ADGRG2: variants seen among roughly 807,000 people sequenced by gnomAD.
The protein encoded by ADGRG2 is adhesion G protein-coupled receptor G2.
Under a neutral mutation model 74.1 loss-of-function variants are expected in ADGRG2, and 26 were observed. That is an observed-to-expected ratio of 0.35 (90% CI 0.26 to 0.49). ADGRG2 has a LOEUF of 0.49. ADGRG2 is among the 20% of genes least tolerant of loss of function. The pLI is 0.99. For missense variants in ADGRG2, 619 were observed against 763.1 expected, an observed-to-expected ratio of 0.81 and a Z score of 2.22; for synonymous variants, 296 against 295.2, an observed-to-expected ratio of 1.00 and a Z score of -0.03.
At chrX:19,009,331 C>A (rs1222741795) in intron 18 of ADGRG2, among the ~76,000 whole-genome samples, 1 of 110,659 alleles carries the variant, frequency 9.0e-6, no homozygotes, top group East Asian at 2.8e-4. Flanking sequence ...GTGGATGCCA[C>A]CACGCCCGGC....
chrX:19,052,426 A>G (rs1602007029), intron 3 of ADGRG2, among the ~76,000 whole-genome samples: 1 of 111,439 alleles, frequency 9.0e-6, no homozygotes, highest in Admixed American at 9.6e-5. Context: ...ACAGTCCTGC[A>G]TGGCACATGA....
intron 23 of ADGRG2, among the ~76,000 whole-genome samples, chrX:19,004,355 A>G (rs2060189054): frequency 8.9e-6 from 1 of 112,288 alleles, no homozygotes; most frequent in Non-Finnish European, 1.9e-5. Context: ...CACACCAGTT[A>G]ATGTATTTAA....
rs992151603 is a variant in ADGRG2, at chrX:19,024,055, A to T, written c.471-107T>A. ...ATCAAGCACATGGTATACATTGCTT[A>T]TGGTGTTCACTTTGAAGAAATAGAG... On this transcript the variant is annotated intron_variant, in intron 11 of 28. Transcript: ENST00000379869. The T allele has an allele frequency of 1.1e-5, 6 of 541,100 alleles. No individual in the cohort carries two copies. In the Admixed American group the frequency reaches 1.6e-4, roughly 14 times the overall value. 44.6% of individuals were successfully genotyped at this position (541,100 alleles called of 1,213,427 possible). A position where few individuals can be genotyped will look rare whatever the true frequency, so the allele number is the denominator to read the frequency against.
intron 3 of ADGRG2, among the ~76,000 whole-genome samples, chrX:19,044,787 T>C (rs906282005): frequency 8.9e-6 from 1 of 111,811 alleles, no homozygotes. Context: ...CATGGGGCTG[T>C]TGCAAGGATT....
intron 6 of ADGRG2, among the ~76,000 whole-genome samples, chrX:19,037,030 T>C (rs2060955794): frequency 1.8e-5 from 2 of 111,596 alleles, no homozygotes; most frequent in Admixed American, 1.9e-4. Flanking sequence ...TTTTTCCCAT[T>C]TCATACTATT....
chrX:19,103,622 C>T (rs2062227874), intron 1 of ADGRG2, among the ~76,000 whole-genome samples: 1 of 111,481 alleles, frequency 9.0e-6, no homozygotes, highest in African/African-American at 3.3e-5. Flanking sequence ...GCCATCCACC[C>T]TTATTGTTTT....
Position 18,994,948 on chromosome X carries a change from G to A in ADGRG2, c.2817C>T (p.Asn939=). 1 of 1,198,695 alleles carries A rather than the reference G, an allele frequency of 8.3e-7. No homozygotes were observed. The highest frequency in any genetic ancestry group is 1.7e-5 in the African/African-American group (1 of 57,680). The part of the protein sequence containing the change: ...NSLQSSSNST[N]STTLLVNNDC... Reference sequence around the variant, plus strand: ...CATTATTCACTAGCAGTGTGGTGGAGTTAGTGGAGTTACTGCTTGACTGTA... The same window carrying A: ...CATTATTCACTAGCAGTGTGGTGGAATTAGTGGAGTTACTGCTTGACTGTA... The change falls in exon 28 of 29, where the codon AAC becomes AAT. Residue 939 remains asparagine, a synonymous_variant. Transcript: ENST00000379869.
At chrX:19,076,446 T>G (rs2061748808) in intron 2 of ADGRG2, among the ~76,000 whole-genome samples, 1 of 111,686 alleles carries the variant, frequency 9.0e-6, no homozygotes, top group African/African-American at 3.3e-5. Flanking sequence ...GGTAGTACTC[T>G]CTACTGGCAA....
intron 14 of ADGRG2, 54 bp downstream of exon 14, chrX:19,021,050 A>G: frequency 1.6e-6 from 1 of 642,476 alleles, no homozygotes; most frequent in Non-Finnish European, 2.6e-6. Context: ...CAATTAGAAA[A>G]ATAACACATT....
At chrX:19,023,817 T>A (rs1298999475) in intron 12 of ADGRG2, 92 bp downstream of exon 12, 8 of 628,097 alleles carry the variant, frequency 1.3e-5, no homozygotes, top group Non-Finnish European at 1.8e-5. Context: ...TGGGAGAATT[T>A]GAATACATAT....
intron 2 of ADGRG2, among the ~76,000 whole-genome samples, chrX:19,079,971 C>T (rs2061818183): frequency 9.5e-6 from 1 of 105,464 alleles, no homozygotes; most frequent in Admixed American, 1.0e-4. Context: ...AATGCAATGG[C>T]GTGATCTCGG....
chrX:19,096,249 A>G (rs1490458593), intron 1 of ADGRG2, among the ~76,000 whole-genome samples: 1 of 108,621 alleles, frequency 9.2e-6, no homozygotes, highest in African/African-American at 3.4e-5. Context: ...TGTCTCTACC[A>G]AAAATAAAAA....
At chrX:19,017,423 C>T in intron 15 of ADGRG2, among the ~76,000 whole-genome samples, 1 of 111,843 alleles carries the variant, frequency 8.9e-6, no homozygotes, top group Non-Finnish European at 1.9e-5. Flanking sequence ...GTTTCACATC[C>T]TGACCCCTTT....
Position 19,033,620 on chromosome X carries a change from A to G in ADGRG2, c.297T>C (p.Asn99=). 1.2e-6 allele frequency: 1 copy of G among 840,396 alleles called. No homozygotes were observed. Among genetic ancestry groups the G allele is most frequent in the Non-Finnish European group, 1.7e-6 (1 of 571,456 alleles). 69.3% of individuals were successfully genotyped at this position (840,396 alleles called of 1,213,427 possible). A position where few individuals can be genotyped will look rare whatever the true frequency, so the allele number is the denominator to read the frequency against. Residue 99 remains asparagine (N), a synonymous_variant, in exon 8 of 29, where the codon AAT becomes AAC. Coordinates refer to ENST00000379869, the MANE Select transcript of ADGRG2 (RefSeq NM_001079858.3). The part of the protein sequence containing the change: ...KTKITIVKTF[N]ASGVKPQRNI... ...ATTGATAATAAGTCATACCTGATGC[A>G]TTGAAGGTTTTTACTATAGTGATTT...
chrX:19,121,878 G>A (rs1036575208), intron 1 of ADGRG2, among the ~76,000 whole-genome samples: 10 of 111,548 alleles, frequency 9.0e-5, no homozygotes, highest in Non-Finnish European at 1.7e-4. Context: ...CCGAGACCAC[G>A]AGCCCCCTCC....
intron 26 of ADGRG2, among the ~76,000 whole-genome samples, chrX:18,998,133 G>A (rs149354930): frequency 1.8e-5 from 2 of 111,782 alleles, no homozygotes; most frequent in African/African-American, 3.3e-5. Flanking sequence ...TCTCTTTCCC[G>A]CTGAGTGTCC....
At chrX:19,077,374 A>G (rs1389396961) in intron 2 of ADGRG2, among the ~76,000 whole-genome samples, 1 of 101,844 alleles carries the variant, frequency 9.8e-6, no homozygotes, top group Non-Finnish European at 2.0e-5. Context: ...TTAGCCAGGT[A>G]TGGTGTCAGG....
At chrX:19,048,591 C>T (rs1479097641) in intron 3 of ADGRG2, among the ~76,000 whole-genome samples, 1 of 111,539 alleles carries the variant, frequency 9.0e-6, no homozygotes, top group Non-Finnish European at 1.9e-5. Context: ...CCGTGCTCCA[C>T]CAGGAGGGAT....
chrX:18,999,715 C>T, intron 25 of ADGRG2, 146 bp downstream of exon 25: 1 of 494,218 alleles, frequency 2.0e-6, no homozygotes, highest in South Asian at 3.1e-5. Flanking sequence ...TCTCTCATTA[C>T]ATATGACTGT....
Sources: gnomAD v4.1 joint callset for allele counts (sites outside exome capture counted in the v4.1 genomes callset) on GRCh38, gnomAD v4.1.1 for gene constraint, MANE v1.5 for transcripts, NCBI Gene and HGNC (gene_info 2026-07-23, HGNC 2026-07-21) for gene names.